Variants in PLOD2 observed in about 807,000 individuals in gnomAD.
PLOD2 encodes the protein procollagen-lysine,2-oxoglutarate 5-dioxygenase 2.
Under a neutral mutation model 101.0 loss-of-function variants are expected in PLOD2, and 65 were observed. The observed-to-expected ratio is 0.64, with a 90% CI of 0.53 to 0.79. The LOEUF is 0.79. PLOD2 is among the 30% of genes least tolerant of loss of function. The pLI, the probability that PLOD2 is intolerant of heterozygous loss-of-function variation, is 0.00. For synonymous variants in PLOD2, 314 were observed against 302.9 expected (o/e 1.04, Z -0.38); for missense variants, 909 against 914.6 (o/e 0.99, Z 0.08).
chr3:146,135,736 ACT>A (rs551283403), intron 1 of PLOD2, among the ~76,000 whole-genome samples: 76 of 152,176 alleles, frequency 5.0e-4, no homozygotes, highest in African/African-American at 1.7e-3. Context: ...ACACGTGCAT[ACT>A]CTCTATTCCA....
At chr3:146,129,802 C>G (rs997264786) in intron 1 of PLOD2, among the ~76,000 whole-genome samples, 18 of 152,136 alleles carry the variant, frequency 1.2e-4, no homozygotes, top group Non-Finnish European at 1.8e-4. Flanking sequence ...TAGCAAGTAA[C>G]TCTAGATACG....
chr3:146,151,315 T>C (rs970091688), intron 1 of PLOD2, among the ~76,000 whole-genome samples: 4 of 151,886 alleles, frequency 2.6e-5, no homozygotes, highest in African/African-American at 4.8e-5. Flanking sequence ...CTGACAAAAA[T>C]AGAGAAACCC....
chr3:146,101,986 A>G (rs1158342527), intron 7 of PLOD2, among the ~76,000 whole-genome samples: 1 of 152,174 alleles, frequency 6.6e-6, no homozygotes. Context: ...ATTTCTTTCC[A>G]TTCACATAGC....
At chr3:146,148,338 G>GCACGCGCA (rs1553742438) in intron 1 of PLOD2, among the ~76,000 whole-genome samples, 2 of 146,448 alleles carry the variant, frequency 1.4e-5, no homozygotes, top group Non-Finnish European at 3.0e-5. Context: ...AGGCAGGCAC[G>GCACGCGCA]CACACACACA....
At chr3:146,122,095 T>G (rs1275021293) in intron 2 of PLOD2, among the ~76,000 whole-genome samples, 1 of 152,168 alleles carries the variant, frequency 6.6e-6, no homozygotes, top group African/African-American at 2.4e-5. Context: ...AAAATAAAAT[T>G]TAATAATAAA....
chr3:146,088,228 A>G (rs770523485), intron 9 of PLOD2, among the ~76,000 whole-genome samples: 14 of 151,630 alleles, frequency 9.2e-5, no homozygotes, highest in Non-Finnish European at 1.9e-4. Context: ...GTCTTAAATC[A>G]CAAACAATTT....
At chr3:146,129,234 G>A (rs1458450331) in intron 1 of PLOD2, among the ~76,000 whole-genome samples, 2 of 152,064 alleles carry the variant, frequency 1.3e-5, no homozygotes, top group South Asian at 2.1e-4. Flanking sequence ...TTCTGCAAAA[G>A]GTCAAATAGT....
At chr3:146,099,533 A>G (rs1937312699) in intron 7 of PLOD2, among the ~76,000 whole-genome samples, 1 of 151,818 alleles carries the variant, frequency 6.6e-6, no homozygotes, top group Admixed American at 6.6e-5. Flanking sequence ...AGTAGCTGAG[A>G]TTACAAGCAG....
chr3:146,131,152 T>A (rs2108109290), intron 1 of PLOD2, among the ~76,000 whole-genome samples: 1 of 152,328 alleles, frequency 6.6e-6, no homozygotes, highest in East Asian at 1.9e-4. Flanking sequence ...CACAACCAGT[T>A]AGTTGCTTGG....
rs1202335527 is a variant in PLOD2 at position 146,091,845 on chromosome 3, G to A, written c.834C>T (p.Gly278=). The change falls in exon 8 of 20, where the codon GGC becomes GGT. Residue 278 remains glycine, a synonymous_variant. Transcript: ENST00000282903. ...YVPNSWTQDN[G]CTLCEFDTVD... ...CTGTATCGAATTCACAAAGAGTGCA[G>A]CCATTATCCTGTGTCCATGAATTGG... The A allele has an allele frequency of 6.2e-7, 1 of 1,607,992 alleles. No homozygotes were observed. Among genetic ancestry groups the A allele is most frequent in the South Asian group, 1.1e-5 (1 of 90,946 alleles).
At chr3:146,077,142 T>G (rs999033370) in intron 14 of PLOD2, 66 of 1,126,474 alleles carry the variant, frequency 5.9e-5, no homozygotes, top group African/African-American at 4.4e-4. Context: ...GAATGGACTG[T>G]TTTTGTCCCT....
intron 1 of PLOD2, among the ~76,000 whole-genome samples, chr3:146,151,957 G>A (rs956459313): frequency 1.3e-5 from 2 of 152,190 alleles, no homozygotes; most frequent in African/African-American, 4.8e-5. Flanking sequence ...TTACAATGCT[G>A]TTAGTTACCT....
chr3:146,105,694 A>G (rs763880882), intron 5 of PLOD2, among the ~76,000 whole-genome samples: 2 of 152,226 alleles, frequency 1.3e-5, no homozygotes, highest in Non-Finnish European at 1.5e-5. Context: ...AACAGAAAAA[A>G]AGTCCAGATT....
At chr3:146,135,605 T>C (rs1044864984) in intron 1 of PLOD2, among the ~76,000 whole-genome samples, 2 of 152,152 alleles carry the variant, frequency 1.3e-5, no homozygotes, top group African/African-American at 4.8e-5. Context: ...CTAGGTGACG[T>C]AGAAAGTGAT....
In PLOD2 at chr3:146,085,187, AT is replaced by A; in HGVS notation, c.1213del (p.Ile405PhefsTer2). On this transcript the variant is annotated frameshift_variant, in exon 11 of 20. Coordinates refer to ENST00000282903, the MANE Select transcript of PLOD2 (RefSeq NM_182943.3). LOFTEE classifies it high-confidence loss of function. The part of the protein sequence containing the change: ...VVLTNPRTLK[I>X]LIEQNRKIIA... The stretch of plus-strand genomic sequence containing the variant: ...AAAGTACCTGTTTTGTTCAATCAAA[AT>A]TTTTAAAGTCCTTGGATTTGTCAAA... 6.4e-7 allele frequency: 1 copy of A among 1,555,012 alleles called. No homozygotes were observed. Among genetic ancestry groups the A allele is most frequent in the Non-Finnish European group, 8.9e-7 (1 of 1,127,400 alleles).
rs760050308 is a variant in PLOD2 at position 146,071,280 on chromosome 3, C to T, written c.1992G>A (p.Thr664=). The T allele has an allele frequency of 9.9e-6, 16 of 1,611,666 alleles. No individual in the cohort carries two copies. Among genetic ancestry groups the T allele is most frequent in the African/African-American group, 4.0e-5 (3 of 74,748 alleles). The change falls in exon 18 of 20, where the codon ACG becomes ACA. Residue 664 remains threonine (T), a synonymous_variant. Coordinates refer to ENST00000282903, the MANE Select transcript of PLOD2 (RefSeq NM_182943.3). The part of the protein sequence containing the change: ...VTLKVFAGYY[T]KGFALLNFVV... ...GGAGGGGTGAGAGGATAACTACCTTCGTATAATAGCCTGCAAAGACCTTCA... is the reference window on the plus strand; with the variant it reads ...GGAGGGGTGAGAGGATAACTACCTTTGTATAATAGCCTGCAAAGACCTTCA...
chr3:146,110,451 G>T lies in PLOD2; in HGVS notation c.339-3C>A. On this transcript the variant is annotated splice_region_variant and splice_polypyrimidine_tract_variant and intron_variant, in intron 3 of 19. Transcript: ENST00000282903. ...CACCAGCAAATATGACATCAAAGCT[G>T]TTCAATGAGGAAAAAATGTGTTTTA... 1 of 1,597,218 alleles carries T rather than the reference G, an allele frequency of 6.3e-7. No individual in the cohort carries two copies. Among genetic ancestry groups the T allele is most frequent in the Non-Finnish European group, 8.5e-7 (1 of 1,172,620 alleles).
At chr3:146,093,860 C>T (rs776963107) in intron 7 of PLOD2, among the ~76,000 whole-genome samples, 4 of 152,096 alleles carry the variant, frequency 2.6e-5, no homozygotes, top group East Asian at 1.9e-4. Flanking sequence ...TTTTAGTTTT[C>T]GGAATTAAAC....
intron 2 of PLOD2, chr3:146,123,332 A>G: frequency 9.2e-7 from 1 of 1,089,568 alleles, no homozygotes. Flanking sequence ...CTTTCTATTA[A>G]AAAAAACAAG....
Sources: allele counts gnomAD v4.1 joint callset (sites outside exome capture counted in the v4.1 genomes callset), GRCh38; gene constraint gnomAD v4.1.1; transcripts MANE v1.5; gene names NCBI Gene and HGNC (gene_info 2026-07-23, HGNC 2026-07-21).